Variants in PRKG1 observed in about 807,000 individuals in gnomAD.
The protein encoded by PRKG1 is cGMP-dependent protein kinase 1.
PRKG1 carries 35 observed loss-of-function variants against 88.1 expected under a neutral mutation model. The ratio of observed to expected loss-of-function variants is 0.40; its 90% confidence interval spans 0.30 to 0.53. The LOEUF (loss-of-function observed/expected upper bound fraction) is 0.53. PRKG1 is among the 20% of genes least tolerant of loss of function. PRKG1 has a pLI of 0.59. For synonymous variants in PRKG1, 303 were observed against 292.5 expected (o/e 1.04, Z -0.37); for missense variants, 540 against 839.8 (o/e 0.64, Z 4.41).
chr10:51,859,909 A>G (rs1251319239), intron 4 of PRKG1, among the ~76,000 whole-genome samples: 1 of 152,016 alleles, frequency 6.6e-6, no homozygotes, highest in Non-Finnish European at 1.5e-5. Flanking sequence ...GATCAGGGAT[A>G]TTTTCTTTGT....
At chr10:51,116,331 C>A (rs1188375839) in intron 1 of PRKG1, among the ~76,000 whole-genome samples, 1 of 152,106 alleles carries the variant, frequency 6.6e-6, no homozygotes, top group Non-Finnish European at 1.5e-5. Context: ...ATGATTTGCA[C>A]CTCACTCAAA....
At chr10:51,866,754 G>T (rs1466690609) in intron 4 of PRKG1, among the ~76,000 whole-genome samples, 1 of 152,144 alleles carries the variant, frequency 6.6e-6, no homozygotes, top group Non-Finnish European at 1.5e-5. Flanking sequence ...AGAACTTGGT[G>T]TCAGTTCAGG....
intron 3 of PRKG1, among the ~76,000 whole-genome samples, chr10:51,510,700 G>GA (rs1180151855): frequency 6.6e-6 from 1 of 150,568 alleles, no homozygotes; most frequent in Non-Finnish European, 1.5e-5. Context: ...GAATACTAAT[G>GA]AAAAAATGAG....
At position 51,534,107 on chromosome 10, in the gene PRKG1, C is replaced by T. The variant is rs17613947; in HGVS notation, c.592+66271C>T. On this transcript the variant is annotated intron_variant, in intron 3 of 17. Transcript: ENST00000373980. ...AAAGAAAAGAGAAGGCAGAAGTCTA[C>T]AATCCTAGTAGGCTCATAAAATCCC... Among the ~76,000 whole-genome samples the T allele has an allele frequency of 5.1e-3, 782 of 152,234 alleles. 4 individuals are homozygous for T. The highest frequency in any genetic ancestry group is 8.0e-3 in the Non-Finnish European group (546 of 68,010).
chr10:51,603,167 A>C (rs912755945), intron 3 of PRKG1, among the ~76,000 whole-genome samples: 1 of 152,084 alleles, frequency 6.6e-6, no homozygotes, highest in African/African-American at 2.4e-5. Context: ...CATGTTGGCC[A>C]GGCTGGTCTC....
In PRKG1 at chr10:51,082,269, A is replaced by AG. The variant is rs1158837897; in HGVS notation, c.311+7369dup. On this transcript the variant is annotated intron_variant, in intron 1 of 17. Transcript: ENST00000373980. ...GCCCAAAGGGTCATGGGGATTAGGT[A>AG]GCTGCAGGAAAACTTTATGAATAAC... is the stretch of plus-strand genomic sequence containing the variant. Among the ~76,000 whole-genome samples the AG allele has an allele frequency of 2.6e-5, 4 of 152,186 alleles. No individual in the cohort carries two copies. The East Asian group carries it at 7.7e-4, about 29-fold the overall frequency.
intron 2 of PRKG1, among the ~76,000 whole-genome samples, chr10:51,280,014 G>C (rs1004273321): frequency 3.9e-5 from 6 of 152,200 alleles, no homozygotes; most frequent in African/African-American, 1.4e-4. Context: ...GCTGGTACTG[G>C]TTGTTTCTTT....
chr10:51,021,892 G>A (rs1009767627), intron 1 of PRKG1, among the ~76,000 whole-genome samples: 5 of 151,950 alleles, frequency 3.3e-5, no homozygotes, highest in African/African-American at 9.7e-5. Flanking sequence ...TGTTGGCCAG[G>A]CTGGTCTCGA....
chr10:51,542,847 C>T (rs1842342642), intron 3 of PRKG1, among the ~76,000 whole-genome samples: 1 of 152,152 alleles, frequency 6.6e-6, no homozygotes, highest in South Asian at 2.1e-4. Context: ...ATCTGGACCT[C>T]TTACCACGTC....
intron 4 of PRKG1, among the ~76,000 whole-genome samples, chr10:51,849,156 A>G (rs1309231218): frequency 6.6e-6 from 1 of 152,116 alleles, no homozygotes; most frequent in Non-Finnish European, 1.5e-5. Flanking sequence ...ACCAAAACCC[A>G]TTCCATATAT....
chr10:52,055,042 A>C (rs536031155), intron 6 of PRKG1, among the ~76,000 whole-genome samples: 24 of 152,326 alleles, frequency 1.6e-4, no homozygotes, highest in Admixed American at 8.5e-4. Context: ...AGGCTGAGAC[A>C]GGAGGATTGC....
At chr10:52,093,923 T>G (rs959857401) in intron 7 of PRKG1, among the ~76,000 whole-genome samples, 12 of 152,144 alleles carry the variant, frequency 7.9e-5, no homozygotes, top group African/African-American at 2.9e-4. Flanking sequence ...GCGGAGGAGC[T>G]TACAGACATT....
chr10:51,600,531 G>C (rs752664724), intron 3 of PRKG1, among the ~76,000 whole-genome samples: 15 of 152,110 alleles, frequency 9.9e-5, no homozygotes, highest in Non-Finnish European at 1.8e-4. Context: ...TTTTCTAGTA[G>C]CTAAGTTAAA....
At chr10:52,246,416 GT>G (rs1279675521) in intron 9 of PRKG1, among the ~76,000 whole-genome samples, 1 of 122,988 alleles carries the variant, frequency 8.1e-6, no homozygotes, top group Non-Finnish European at 2.0e-5. Flanking sequence ...TTGTTTTCTT[GT>G]TTCTAAACCA....
Position 51,395,715 on chromosome 10 carries a change from G to A in PRKG1, c.479-72008G>A, listed in dbSNP as rs942527147. ...GAAGAGATCTCTGAGGCATGATAAC[G>A]CCAGCAGTGGTGCTATATTCTGGCA... On this transcript the variant is annotated intron_variant, in intron 2 of 17. Transcript: ENST00000373980. Among the ~76,000 whole-genome samples, 14 of 152,298 alleles carry A rather than the reference G, an allele frequency of 9.2e-5. 1 individual carries two copies. Among genetic ancestry groups the A allele is most frequent in the African/African-American group, 2.9e-4 (12 of 41,558 alleles).
intron 1 of PRKG1, among the ~76,000 whole-genome samples, chr10:51,145,683 GAAGTGGATGAACACCTAA>G (rs1316131190): frequency 6.6e-6 from 1 of 152,052 alleles, no homozygotes; most frequent in African/African-American, 2.4e-5. Flanking sequence ...TGACGTTTTG[GAAGTGGATGAACACCTAA>G]AAGAACAACA....
intron 2 of PRKG1, among the ~76,000 whole-genome samples, chr10:51,458,776 G>T (rs1223920055): frequency 1.3e-5 from 2 of 152,130 alleles, no homozygotes; most frequent in Non-Finnish European, 2.9e-5. Flanking sequence ...CAGTACAGTT[G>T]TCCCTTGAAC....
intron 1 of PRKG1, among the ~76,000 whole-genome samples, chr10:51,015,156 C>G (rs1011165057): frequency 6.6e-6 from 1 of 152,134 alleles, no homozygotes; most frequent in African/African-American, 2.4e-5. Flanking sequence ...TGATTGCAAC[C>G]CTTACTGAAA....
intron 2 of PRKG1, among the ~76,000 whole-genome samples, chr10:51,202,439 C>T (rs1217011800): frequency 3.9e-5 from 6 of 152,166 alleles, no homozygotes; most frequent in Non-Finnish European, 2.9e-5. Flanking sequence ...TTTTCTCACT[C>T]CCCAGAAGAT....
Sources: allele counts gnomAD v4.1 joint callset (sites outside exome capture counted in the v4.1 genomes callset), GRCh38; gene constraint gnomAD v4.1.1; transcripts MANE v1.5; gene names NCBI Gene and HGNC (gene_info 2026-07-23, HGNC 2026-07-21).